The following SPINT1 variants were observed in gnomAD, a reference collection of about 807,000 sequenced individuals.
The protein encoded by SPINT1 is serine peptidase inhibitor, Kunitz type 1.
In SPINT1, 38 loss-of-function variants were observed where a neutral mutation model predicts 53.7. The observed-to-expected ratio is 0.71, with a 90% CI of 0.55 to 0.93. The LOEUF (loss-of-function observed/expected upper bound fraction) is 0.93. Among genes scored for constraint, SPINT1 ranks in the 40% least tolerant of loss-of-function variants. The pLI is 0.00. For missense variants in SPINT1, 645 were observed against 692.9 expected, an observed-to-expected ratio of 0.93 and a Z score of 0.78; for synonymous variants, 283 against 280.6, an observed-to-expected ratio of 1.01 and a Z score of -0.08.
chr15:40,853,634 GA>G lies in SPINT1; in HGVS notation c.742+8del, dbSNP rs1318798658. 3 of 1,613,850 alleles carry G rather than the reference GA, an allele frequency of 1.9e-6. No individual in the cohort carries two copies. The highest frequency in any genetic ancestry group is 8.5e-7 in the Non-Finnish European group (1 of 1,179,938). On this transcript the variant is annotated splice_region_variant and intron_variant, in intron 4 of 10. Coordinates refer to ENST00000562057, the MANE Select transcript of SPINT1 (RefSeq NM_003710.4). ...TCCACCAAGCAGACAGAAGGTGAGG[GA>G]GGGGTGAGGAGCAGCACCTGGAGCC... is the stretch of plus-strand genomic sequence containing the variant.
intron 8 of SPINT1, 37 bp from the exon 9 acceptor site, chr15:40,855,855 T>C (rs780421858): frequency 1.3e-6 from 2 of 1,584,264 alleles, no homozygotes; most frequent in East Asian, 2.3e-5. Flanking sequence ...AGGGAGGCCA[T>C]GGACTCGCTC....
chr15:40,856,890 C>T lies in SPINT1; in HGVS notation c.1457C>T (p.Pro486Leu), dbSNP rs755087916. The change falls in exon 11 of 11, where the codon CCA (proline) becomes CTA (leucine). Residue 486 changes from proline to leucine, a missense_variant. Coordinates refer to ENST00000562057, the MANE Select transcript of SPINT1 (RefSeq NM_003710.4). ...RKDFHGHHHH[P>L]PPTPASSTVS... ...GACTTCCACGGACACCACCACCACC[C>T]ACCACCCACCCCTGCCAGCTCCACT... 3 of 1,614,118 alleles carry T rather than the reference C, an allele frequency of 1.9e-6. No homozygotes were observed. The highest frequency in any genetic ancestry group is 1.7e-6 in the Non-Finnish European group (2 of 1,180,020).
In SPINT1 at chr15:40,853,226, G is replaced by A. The variant is rs746728134; in HGVS notation, c.578G>A (p.Arg193Gln). 4.2e-5 allele frequency: 68 copies of A among 1,614,084 alleles called. No homozygotes were observed. Among genetic ancestry groups the A allele is most frequent in the South Asian group, 1.8e-4 (16 of 91,090 alleles). Residue 193 changes from arginine to glutamine, a missense_variant, in exon 3 of 11, where the codon CGG (arginine) becomes CAG (glutamine). By Grantham distance (43) the Arg-to-Gln change is conservative. Coordinates refer to ENST00000562057, the MANE Select transcript of SPINT1 (RefSeq NM_003710.4). ...GAAAACACAGATTGGCGCCTACTGC[G>A]GGGTGACACGGATGTCAGGGTAGAG... ...DVENTDWRLL[R>Q]GDTDVRVERK...
chr15:40,855,711 T>C lies in SPINT1; in HGVS notation c.1118-181T>C, dbSNP rs143426105. 2.0e-3 allele frequency: 1,131 copies of C among 578,778 alleles called. 1 individual carries two copies. Among genetic ancestry groups the C allele is most frequent in the Non-Finnish European group, 2.8e-3 (941 of 334,566 alleles). The allele number at this position is 578,778 out of a possible 1,614,324, so 35.9% of individuals were successfully genotyped here. On this transcript the variant is annotated intron_variant, in intron 8 of 10. Transcript: ENST00000562057. The stretch of plus-strand genomic sequence containing the variant: ...TTTACTTTTGTGCCTACAGTTATTG[T>C]CCAGGGTTTGTCTTCCCTTTTCTGG...
Position 40,855,902 on chromosome 15 carries a change from G to T in SPINT1, c.1128G>T (p.Val376=), listed in dbSNP as rs765386177. The change falls in exon 9 of 11, where the codon GTG becomes GTT. Residue 376 remains valine (V), a synonymous_variant. Coordinates refer to ENST00000562057, the MANE Select transcript of SPINT1 (RefSeq NM_003710.4). ...IHFPSDKGHC[V]DLPDTGLCKE... Reference sequence around the variant, plus strand: ...CCCCATACCCCCCAGGGCACTGCGTGGACCTGCCAGACACAGGACTCTGCA... The same window carrying T: ...CCCCATACCCCCCAGGGCACTGCGTTGACCTGCCAGACACAGGACTCTGCA... 1.2e-6 allele frequency: 2 copies of T among 1,614,054 alleles called. No individual in the cohort carries two copies. Among genetic ancestry groups the T allele is most frequent in the Non-Finnish European group, 1.7e-6 (2 of 1,179,952 alleles).
Position 40,854,077 on chromosome 15 carries a change from C to G in SPINT1, c.931C>G (p.Arg311Gly). 2.6e-6 allele frequency: 4 copies of G among 1,545,812 alleles called. No homozygotes were observed. Among genetic ancestry groups the G allele is most frequent in the Non-Finnish European group, 3.5e-6 (4 of 1,148,362 alleles). The change falls in exon 6 of 11, where the codon CGC becomes GGC. Residue 311 changes from arginine to glycine, a missense_variant. Physicochemically the swap from Arg to Gly is moderately radical, Grantham distance 125. Coordinates refer to ENST00000562057, the MANE Select transcript of SPINT1 (RefSeq NM_003710.4). ...TCTCCCAGGCCCCTCCATGGAAAGGCGCCATCCAGGTGGGCTTTACTCCCC... is the reference window on the plus strand; with the variant it reads ...TCTCCCAGGCCCCTCCATGGAAAGGGGCCATCCAGGTGGGCTTTACTCCCC... ...RGVQGPSMER[R>G]HPVCSGTCQP...
Position 40,857,334 on chromosome 15 carries a change from T to G in SPINT1, c.*359T>G. 7.4e-6 allele frequency: 2 copies of G among 271,260 alleles called. No individual in the cohort carries two copies. Among genetic ancestry groups the G allele is most frequent in the Non-Finnish European group, 1.4e-5 (2 of 142,984 alleles). 16.8% of individuals were successfully genotyped at this position (271,260 alleles called of 1,614,324 possible). On this transcript the variant is annotated 3_prime_UTR_variant, in exon 11 of 11. Transcript: ENST00000562057. ...TCAGACCCTGGAGGCCCCAACCCTG[T>G]CCTCCCGAGCTCCTCTTCCATGCTG... is the stretch of plus-strand genomic sequence containing the variant.
chr15:40,847,409 C>T (rs1173009536), intron 2 of SPINT1, among the ~76,000 whole-genome samples: 1 of 152,180 alleles, frequency 6.6e-6, no homozygotes, highest in Non-Finnish European at 1.5e-5. Flanking sequence ...TTTGATTCTC[C>T]TATTGCATAG....
Position 40,853,436 on chromosome 15 carries a change from C to T in SPINT1, c.604-53C>T, listed in dbSNP as rs1891522970. 3.7e-6 allele frequency: 6 copies of T among 1,613,316 alleles called. No homozygotes were observed. The South Asian group carries it at 4.4e-5, about 12-fold the overall frequency. On this transcript the variant is annotated intron_variant, in intron 3 of 10. Transcript: ENST00000562057. ...GGTGTGTGTCTGGCCAGGCCTGGGG[C>T]AGCCCAAGGGCATCAGGGGGTGCCC...
In SPINT1 at chr15:40,854,428, C is replaced by A; in HGVS notation, c.972C>A (p.Phe324Leu). 1 of 1,610,584 alleles carries A rather than the reference C, an allele frequency of 6.2e-7. No individual in the cohort carries two copies. Among genetic ancestry groups the A allele is most frequent in the Non-Finnish European group, 8.5e-7 (1 of 1,178,166 alleles). Residue 324 changes from phenylalanine to leucine, a missense_variant, in exon 7 of 11, where the codon TTC (phenylalanine) becomes TTA (leucine). By Grantham distance (22) the Phe-to-Leu change is conservative. Transcript: ENST00000562057. ...CTGGCACCTGTCAGCCCACCCAGTTCCGCTGCAGCAATGGCTGCTGCATCG... is the reference window on the plus strand; with the variant it reads ...CTGGCACCTGTCAGCCCACCCAGTTACGCTGCAGCAATGGCTGCTGCATCG... Reference protein sequence around the residue: ...VCSGTCQPTQFRCSNGCCIDS... With the variant: ...VCSGTCQPTQLRCSNGCCIDS...
At position 40,857,098 on chromosome 15, in the gene SPINT1, C is replaced by A; in HGVS notation, c.*123C>A. ...CCCAGGCCCACTGTGCCTCAGAGACCAGGGCTCCAGCCCCTCTTGGAGAAG... is the reference window on the plus strand; with the variant it reads ...CCCAGGCCCACTGTGCCTCAGAGACAAGGGCTCCAGCCCCTCTTGGAGAAG... On this transcript the variant is annotated 3_prime_UTR_variant, in exon 11 of 11. Coordinates refer to ENST00000562057, the MANE Select transcript of SPINT1 (RefSeq NM_003710.4). The A allele has an allele frequency of 7.8e-7, 1 of 1,274,978 alleles. No homozygotes were observed. The highest frequency in any genetic ancestry group is 1.1e-6 in the Non-Finnish European group (1 of 932,820). 79.0% of individuals were successfully genotyped at this position (1,274,978 alleles called of 1,614,324 possible).
intron 8 of SPINT1, among the ~76,000 whole-genome samples, chr15:40,855,251 C>T (rs1312915416): frequency 6.6e-6 from 1 of 152,098 alleles, no homozygotes; most frequent in Non-Finnish European, 1.5e-5. Context: ...TGTGGTTGCG[C>T]GTTCCTGTAC....
At position 40,857,188 on chromosome 15, in the gene SPINT1, A is replaced by G; in HGVS notation, c.*213A>G. The G allele has an allele frequency of 1.5e-6, 1 of 651,468 alleles. No individual in the cohort carries two copies. The highest frequency in any genetic ancestry group is 2.6e-6 in the Non-Finnish European group (1 of 388,514). 40.4% of individuals were successfully genotyped at this position (651,468 alleles called of 1,614,324 possible). On this transcript the variant is annotated 3_prime_UTR_variant, in exon 11 of 11. Coordinates refer to ENST00000562057, the MANE Select transcript of SPINT1 (RefSeq NM_003710.4). ...GGAAGGAGCAGAAAACCCTTGGGCC[A>G]GAAGTACCAGACTAGATGGACCTGC...
At chr15:40,854,039 A>C in intron 5 of SPINT1, 21 bp from the exon 6 acceptor site, 1 of 1,556,262 alleles carries the variant, frequency 6.4e-7, no homozygotes, top group East Asian at 2.3e-5. Context: ...GCCTCCTCTC[A>C]TTCTCTGTTC....
Position 40,853,992 on chromosome 15 carries a change from C to T in SPINT1, c.914-68C>T. ...TGGTGGGAGCTCTCCCTTGCCCACC[C>T]ACCCCAATTATCTCATCCCCACTGG... On this transcript the variant is annotated intron_variant, in intron 5 of 10. Coordinates refer to ENST00000562057, the MANE Select transcript of SPINT1 (RefSeq NM_003710.4). 3 of 1,595,220 alleles carry T rather than the reference C, an allele frequency of 1.9e-6. 1 individual carries two copies. Among genetic ancestry groups the T allele is most frequent in the South Asian group, 1.1e-5 (1 of 89,248 alleles).
Position 40,847,492 on chromosome 15 carries a change from T to G in SPINT1, c.475+2463T>G, listed in dbSNP as rs568432379. 8.5e-5 allele frequency among the ~76,000 whole-genome samples: 13 copies of G among 152,296 alleles called. No individual in the cohort carries two copies. The South Asian group carries it at 1.9e-3, about 22-fold the overall frequency. On this transcript the variant is annotated intron_variant, in intron 2 of 10. Coordinates refer to ENST00000562057, the MANE Select transcript of SPINT1 (RefSeq NM_003710.4). ...GCCAGGCCAGGCCAGTACAGATTCC[T>G]GCAGCTGGAGGCGGAGCAGCTTGCA...
intron 2 of SPINT1, among the ~76,000 whole-genome samples, chr15:40,845,359 G>A (rs1428661847): frequency 3.2e-5 from 4 of 126,030 alleles, no homozygotes; most frequent in East Asian, 4.5e-4. Flanking sequence ...TGGTACAGAC[G>A]GGGTTTCACT....
chr15:40,854,248 G>A, intron 6 of SPINT1, 149 bp from the exon 7 acceptor site: 1 of 1,380,738 alleles, frequency 7.2e-7, no homozygotes, highest in Non-Finnish European at 9.8e-7. Flanking sequence ...ATCGTCCTAT[G>A]AGGATCTGCC....
chr15:40,855,625 T>G (rs1402939303), intron 8 of SPINT1, among the ~76,000 whole-genome samples: 1 of 152,214 alleles, frequency 6.6e-6, no homozygotes, highest in African/African-American at 2.4e-5. Flanking sequence ...GTTGGAAAAC[T>G]GAGACCGTGA....
Sources: allele counts gnomAD v4.1 joint callset (sites outside exome capture counted in the v4.1 genomes callset), GRCh38; gene constraint gnomAD v4.1.1; transcripts MANE v1.5; gene names NCBI Gene and HGNC (gene_info 2026-07-23, HGNC 2026-07-21).